XAB2: variants seen among roughly 807,000 people sequenced by gnomAD.
The protein encoded by XAB2 is XPA binding protein 2, also known as pre-mRNA-splicing factor SYF1.
Under a neutral mutation model 113.4 loss-of-function variants are expected in XAB2, and 57 were observed. That is an observed-to-expected ratio of 0.50 (90% CI 0.41 to 0.63). XAB2 has a LOEUF of 0.63. XAB2 is among the 20% of genes least tolerant of loss of function. The probability of loss-of-function intolerance (pLI) is 0.00; values close to 1 mark genes in which losing one functional copy is unlikely to be tolerated. For missense variants in XAB2, 1,037 were observed against 1,233.3 expected, an observed-to-expected ratio of 0.84 and a Z score of 2.38; for synonymous variants, 497 against 498.8, an observed-to-expected ratio of 1.00 and a Z score of 0.05.
Position 7,629,540 on chromosome 19 carries a change from C to T in XAB2, c.-13G>A. On this transcript the variant is annotated 5_prime_UTR_variant, in exon 1 of 19. Coordinates refer to ENST00000358368, the MANE Select transcript of XAB2 (RefSeq NM_020196.3). The stretch of plus-strand genomic sequence containing the variant: ...CCATCACCACCATTTTTCTGGATGC[C>T]CAGGTACAGGAGAGAGTCGCGCGCT... 6.2e-7 allele frequency: 1 copy of T among 1,601,730 alleles called. No homozygotes were observed. Among genetic ancestry groups the T allele is most frequent in the Non-Finnish European group, 8.5e-7 (1 of 1,174,372 alleles).
rs1256477507 is a variant in XAB2, at chr19:7,620,425, T to G, written c.2116A>C (p.Thr706Pro). The G allele has an allele frequency of 1.9e-6, 3 of 1,610,058 alleles. No individual in the cohort carries two copies. In the African/African-American group the frequency reaches 4.0e-5, roughly 22 times the overall value. Residue 706 changes from threonine to proline, a missense_variant, in exon 16 of 19, where the codon ACG becomes CCG. By Grantham distance (38) the Thr-to-Pro change is conservative. Coordinates refer to ENST00000358368, the MANE Select transcript of XAB2 (RefSeq NM_020196.3). The part of the protein sequence containing the change: ...DPRTTGAFWQ[T>P]WKDFEVRHGN... ...TGCCGGACCTCAAAGTCCTTCCACG[T>G]CTGCCAGAACGCGCCGGTCGTCTGC...
chr19:7,623,007 C>A lies in XAB2; in HGVS notation c.1240-114G>T. On this transcript the variant is annotated intron_variant, in intron 9 of 18. Coordinates refer to ENST00000358368, the MANE Select transcript of XAB2 (RefSeq NM_020196.3). The surrounding 1 kb of genome is among the most constrained non-coding windows in gnomAD (Gnocchi z 4.6). ...ACATACAGGCACAAACACACAGGCACACACACAGGCACACACATGCGTGCA... is the reference window on the plus strand; with the variant it reads ...ACATACAGGCACAAACACACAGGCAAACACACAGGCACACACATGCGTGCA... 1 of 1,536,398 alleles carries A rather than the reference C, an allele frequency of 6.5e-7. No individual in the cohort carries two copies.
chr19:7,622,269 T>C (rs2031049048), intron 12 of XAB2, 62 bp downstream of exon 12: 8 of 1,510,840 alleles, frequency 5.3e-6, no homozygotes, highest in Non-Finnish European at 6.4e-6. Context: ...CGTAAGTTGC[T>C]GAGGACCCCT....
intron 12 of XAB2, 85 bp from the exon 13 acceptor site, chr19:7,621,382 G>A (rs2031031015): frequency 1.3e-6 from 2 of 1,529,590 alleles, no homozygotes. Context: ...GCGTCTGTAG[G>A]GAGCCTGCCA....
chr19:7,622,598 G>A lies in XAB2; in HGVS notation c.1435C>T (p.Arg479Cys), dbSNP rs374573016. The A allele has an allele frequency of 4.3e-6, 7 of 1,612,840 alleles. No individual in the cohort carries two copies. Among genetic ancestry groups the A allele is most frequent in the African/African-American group, 1.3e-5 (1 of 75,058 alleles). ...YFDGSEPVQNRVYKSLKVWSM... is the reference protein window; with the variant it reads ...YFDGSEPVQNCVYKSLKVWSM... The stretch of plus-strand genomic sequence containing the variant: ...CAGACCTTCAGTGACTTGTACACGC[G>A]GTTCTGCACGGGCTCTGAACCATCA... The change falls in exon 11 of 19, where the codon CGC becomes TGC. Residue 479 changes from arginine to cysteine, a missense_variant. Arg to Cys is a radical substitution (Grantham distance 180). Transcript: ENST00000358368.
Position 7,627,048 on chromosome 19 carries a change from G to A in XAB2, c.522+195C>T, listed in dbSNP as rs995632619. Among the ~76,000 whole-genome samples, 21 of 152,214 alleles carry A rather than the reference G, an allele frequency of 1.4e-4. No homozygotes were observed. Among genetic ancestry groups the A allele is most frequent in the African/African-American group, 4.6e-4 (19 of 41,448 alleles). ...CACTGTCCTCAGCACCCATCGCTATGCCTAATGTGAAACCAGTGTGAACAA... is the reference window on the plus strand; with the variant it reads ...CACTGTCCTCAGCACCCATCGCTATACCTAATGTGAAACCAGTGTGAACAA... On this transcript the variant is annotated intron_variant, in intron 4 of 18. Coordinates refer to ENST00000358368, the MANE Select transcript of XAB2 (RefSeq NM_020196.3). This position sits in a 1 kb window ranked among gnomAD's most constrained non-coding sequence, Gnocchi z 4.5.
Position 7,627,660 on chromosome 19 carries a change from T to TACCCC in XAB2, c.324+67_324+68insGGGGT. The TACCCC allele has an allele frequency of 1.3e-6, 2 of 1,572,298 alleles. No homozygotes were observed. The highest frequency in any genetic ancestry group is 1.7e-6 in the Non-Finnish European group (2 of 1,148,004). On this transcript the variant is annotated intron_variant, in intron 3 of 18. Transcript: ENST00000358368. The surrounding 1 kb of genome is among the most constrained non-coding windows in gnomAD (Gnocchi z 4.5). ...CCTAACATGCTGAGCCCAGCCCCTG[T>TACCCC]CCCCGCCCCACCCACCACCATGGAC...
At chr19:7,629,088 A>G (rs2031202798) in intron 1 of XAB2, among the ~76,000 whole-genome samples, 1 of 152,170 alleles carries the variant, frequency 6.6e-6, no homozygotes, top group South Asian at 2.1e-4. Flanking sequence ...CGCTATCCAG[A>G]AAACCAAGCC....
In XAB2 at chr19:7,624,305, C is replaced by T. The variant is rs750859763; in HGVS notation, c.963G>A (p.Glu321=). Residue 321 remains glutamate (E), a synonymous_variant, in exon 7 of 19, where the codon GAG becomes GAA. Transcript: ENST00000358368. The surrounding 1 kb of genome is among the most constrained non-coding windows in gnomAD (Gnocchi z 4.2). ...CCGGGGCCCCCAGAGGCTCACCCTC[C>T]TCCTCGCGCCCCAGCTCCGAGGCGG... ...METASELGRE[E]EDDVDLELRL... 1.9e-6 allele frequency: 3 copies of T among 1,613,550 alleles called. No homozygotes were observed. Among genetic ancestry groups the T allele is most frequent in the South Asian group, 1.1e-5 (1 of 91,088 alleles).
Position 7,628,194 on chromosome 19 carries a change from C to A in XAB2, c.156G>T (p.Arg52Ser), listed in dbSNP as rs770873229. Residue 52 changes from arginine (R) to serine (S), a missense_variant, in exon 2 of 19, where the codon AGG becomes AGT. Arg to Ser is a moderately radical substitution (Grantham distance 110). Coordinates refer to ENST00000358368, the MANE Select transcript of XAB2 (RefSeq NM_020196.3). This position sits in a 1 kb window ranked among gnomAD's most constrained non-coding sequence, Gnocchi z 4.6. ...GTGCCCGCTCGTATAGCTGATTGAG[C>A]CTGGGCTTCGGGGCGCCCTGTTTGA... ...IEFKQGAPKP[R>S]LNQLYERALK... 1.9e-5 allele frequency: 30 copies of A among 1,613,930 alleles called. No individual in the cohort carries two copies. Among genetic ancestry groups the A allele is most frequent in the Non-Finnish European group, 2.4e-5 (28 of 1,180,018 alleles).
At chr19:7,622,308 C>T (rs1362375310) in intron 12 of XAB2, 23 bp downstream of exon 12, 1 of 1,612,226 alleles carries the variant, frequency 6.2e-7, no homozygotes, top group South Asian at 1.1e-5. Flanking sequence ...TCAGGGGCCT[C>T]TGGGTCCACC....
At position 7,628,287 on chromosome 19, in the gene XAB2, G is replaced by A. The variant is rs1015536432; in HGVS notation, c.63C>T (p.Asp21=). ...ERPDLVFEEE[D]LPYEEEIMRN... Reference sequence around the variant, plus strand: ...GCATGATTTCCTCCTCATAGGGGAGGTCCTCTTCCTCCTGCCAGGGCCAGG... The same window carrying A: ...GCATGATTTCCTCCTCATAGGGGAGATCCTCTTCCTCCTGCCAGGGCCAGG... Residue 21 remains aspartate, a synonymous_variant, in exon 2 of 19, where the codon GAC becomes GAT. Transcript: ENST00000358368. The surrounding 1 kb of genome is among the most constrained non-coding windows in gnomAD (Gnocchi z 4.6). 1.2e-6 allele frequency: 2 copies of A among 1,614,044 alleles called. No individual in the cohort carries two copies. Among genetic ancestry groups the A allele is most frequent in the Admixed American group, 1.7e-5 (1 of 60,008 alleles).
At position 7,629,507 on chromosome 19, in the gene XAB2, G is replaced by C. The variant is rs4134809; in HGVS notation, c.21C>G (p.Leu7=). 1 of 1,603,282 alleles carries C rather than the reference G, an allele frequency of 6.2e-7. No homozygotes were observed. Among genetic ancestry groups the C allele is most frequent in the Non-Finnish European group, 8.5e-7 (1 of 1,174,900 alleles). ...CAAGGTCCGGCCGCTCGGGCCGCGAGAGTCGCGCCATCACCACCATTTTTC... is the reference window on the plus strand; with the variant it reads ...CAAGGTCCGGCCGCTCGGGCCGCGACAGTCGCGCCATCACCACCATTTTTC... The part of the protein sequence containing the change: MVVMAR[L]SRPERPDLVF... Residue 7 remains leucine, a synonymous_variant, in exon 1 of 19, where the codon CTC becomes CTG. Transcript: ENST00000358368.
chr19:7,621,018 G>A lies in XAB2; in HGVS notation c.1799C>T (p.Ala600Val). 1.3e-6 allele frequency: 2 copies of A among 1,558,126 alleles called. No individual in the cohort carries two copies. Among genetic ancestry groups the A allele is most frequent in the Non-Finnish European group, 8.7e-7 (1 of 1,152,840 alleles). ...CAGGCCCCACTCCTCCTCCAGCTGT[G>A]CGTACAGCAGGTACAAGGCTGGGCG... ...KYAKTLYLLY[A>V]QLEEEWGLAR... is the part of the protein sequence containing the mutation. Residue 600 changes from alanine (A) to valine (V), a missense_variant, in exon 14 of 19, where the codon GCA becomes GTA. Coordinates refer to ENST00000358368, the MANE Select transcript of XAB2 (RefSeq NM_020196.3).
intron 4 of XAB2, among the ~76,000 whole-genome samples, chr19:7,626,529 T>C (rs1193833106): frequency 6.6e-6 from 1 of 151,868 alleles, no homozygotes; most frequent in African/African-American, 2.4e-5. Flanking sequence ...CTAGACCAGC[T>C]GTGGACTTTT....
chr19:7,623,184 C>G lies in XAB2; in HGVS notation c.1225G>C (p.Gly409Arg). Residue 409 changes from glycine (G) to arginine (R), a missense_variant, in exon 9 of 19, where the codon GGA becomes CGA. By Grantham distance (125) the Gly-to-Arg change is moderately radical. Coordinates refer to ENST00000358368, the MANE Select transcript of XAB2 (RefSeq NM_020196.3). This position sits in a 1 kb window ranked among gnomAD's most constrained non-coding sequence, Gnocchi z 4.6. ...VAFAKFYEDNGQLDDARVILE... is the reference protein window; with the variant it reads ...VAFAKFYEDNRQLDDARVILE... ...AGGGTGCTCACATCGTCCAGCTGTC[C>G]GTTGTCCTCATAAAACTTGGCAAAC... The G allele has an allele frequency of 3.1e-6, 5 of 1,613,762 alleles. No homozygotes were observed. The highest frequency in any genetic ancestry group is 4.2e-6 in the Non-Finnish European group (5 of 1,180,022).
intron 1 of XAB2, 74 bp downstream of exon 1, chr19:7,629,403 C>A: frequency 6.5e-7 from 1 of 1,538,692 alleles, no homozygotes; most frequent in Non-Finnish European, 8.8e-7. Context: ...CTTGCCGACC[C>A]AGCCTCGATC....
In XAB2 at chr19:7,620,021, T is replaced by C; in HGVS notation, c.2321A>G (p.Gln774Arg). 2 of 1,612,558 alleles carry C rather than the reference T, an allele frequency of 1.2e-6. No homozygotes were observed. The highest frequency in any genetic ancestry group is 1.7e-6 in the Non-Finnish European group (2 of 1,179,976). ...CTCAGCCGCCAGCTGCTCTGCCCGC[T>C]GTTCCAGCAGCTTCATGTCGTCCAT... is the stretch of plus-strand genomic sequence containing the variant. ...SGMDDMKLLE[Q>R]RAEQLAAEAE... The change falls in exon 17 of 19, where the codon CAG (glutamine) becomes CGG (arginine). Residue 774 changes from glutamine to arginine, a missense_variant. By Grantham distance (43) the Gln-to-Arg change is conservative. Coordinates refer to ENST00000358368, the MANE Select transcript of XAB2 (RefSeq NM_020196.3).
At chr19:7,621,095 G>GCCCCCCCCCCCCCCCCCCC in intron 13 of XAB2, 40 bp downstream of exon 13, 2 of 1,486,328 alleles carry the variant, frequency 1.3e-6, no homozygotes, top group Non-Finnish European at 1.8e-6. Flanking sequence ...CAGAAACCCA[G>GCCCCCCCCCCCCCCCCCCC]CCCGCCCGCC....
Sources: allele counts gnomAD v4.1 joint callset (sites outside exome capture counted in the v4.1 genomes callset), GRCh38; gene constraint gnomAD v4.1.1; non-coding constraint Gnocchi (gnomAD v3.1); transcripts MANE v1.5; gene names NCBI Gene and HGNC (gene_info 2026-07-23, HGNC 2026-07-21).